The following AFDN variants were observed in gnomAD, a reference collection of about 807,000 sequenced individuals.
AFDN encodes afadin.
Under a neutral mutation model 216.6 loss-of-function variants are expected in AFDN, and 68 were observed. The observed-to-expected ratio is 0.31, with a 90% CI of 0.26 to 0.38. AFDN has a LOEUF of 0.38. Ranked by LOEUF, AFDN falls within the 10% of genes least tolerant of loss-of-function variation. AFDN has a pLI of 1.00. For synonymous variants in AFDN, 868 were observed against 853.7 expected (o/e 1.02, Z -0.29); for missense variants, 2,136 against 2,342.0 (o/e 0.91, Z 1.82).
intron 12 of AFDN, among the ~76,000 whole-genome samples, chr6:167,905,225 C>T (rs1363861916): frequency 6.6e-6 from 1 of 152,190 alleles, no homozygotes; most frequent in East Asian, 1.9e-4. Context: ...CCAATACCTG[C>T]TGTGTTTGTT....
intron 23 of AFDN, among the ~76,000 whole-genome samples, chr6:167,931,273 A>G (rs1046257708): frequency 4.6e-5 from 7 of 152,132 alleles, no homozygotes; most frequent in African/African-American, 1.7e-4. Flanking sequence ...TGGAGGTGTG[A>G]TTTACAAAGG....
intron 19 of AFDN, among the ~76,000 whole-genome samples, chr6:167,916,726 A>G (rs1791119473): frequency 6.6e-6 from 1 of 152,128 alleles, no homozygotes; most frequent in African/African-American, 2.4e-5. Flanking sequence ...TAGAGGCTAG[A>G]CAGCTGGTTA....
intron 24 of AFDN, 83 bp from the exon 25 acceptor site, chr6:167,943,319 A>G (rs925120895): frequency 3.5e-6 from 5 of 1,428,086 alleles, no homozygotes; most frequent in East Asian, 2.3e-5. Context: ...CAAATAGAGT[A>G]TCTACTCATC....
chr6:167,912,425 G>T (rs1274134113), intron 15 of AFDN, among the ~76,000 whole-genome samples: 1 of 152,120 alleles, frequency 6.6e-6, no homozygotes, highest in Non-Finnish European at 1.5e-5. Context: ...AGATCTTTTA[G>T]TTCCTTCAGA....
At position 167,893,885 on chromosome 6, in the gene AFDN, TACA is replaced by T; in HGVS notation, c.1204_1206del (p.Asn402del). 1 of 1,589,376 alleles carries T rather than the reference TACA, an allele frequency of 6.3e-7. No homozygotes were observed. Among genetic ancestry groups the T allele is most frequent in the Non-Finnish European group, 8.6e-7 (1 of 1,166,334 alleles). ...AGGGAGAAGGAATCACTTTGCCTACTACAACTATCACACTTACGAAGGTAATGC... is the reference window on the plus strand; with the variant it reads ...AGGGAGAAGGAATCACTTTGCCTACTACTATCACACTTACGAAGGTAATGC... On this transcript the variant is annotated inframe_deletion, in exon 9 of 34. Coordinates refer to ENST00000683244, the MANE Select transcript of AFDN (RefSeq NM_001386888.1).
chr6:167,950,388 T>C (rs534171438), intron 29 of AFDN, among the ~76,000 whole-genome samples: 203 of 131,336 alleles, frequency 1.5e-3, no homozygotes, highest in African/African-American at 5.7e-3. Flanking sequence ...ATACTCATTT[T>C]TCTCTGTGTC....
chr6:167,878,977 A>G (rs1785774872), intron 5 of AFDN, among the ~76,000 whole-genome samples: 3 of 152,020 alleles, frequency 2.0e-5, no homozygotes, highest in Admixed American at 6.5e-5. Context: ...CTTTCTCACA[A>G]CCTTATATTT....
At position 167,827,137 on chromosome 6, in the gene AFDN, C is replaced by A; in HGVS notation, c.5C>A (p.Ser2Ter). The A allele has an allele frequency of 7.8e-7, 1 of 1,284,368 alleles. No individual in the cohort carries two copies. The highest frequency in any genetic ancestry group is 1.0e-6 in the Non-Finnish European group (1 of 986,822). 79.6% of individuals were successfully genotyped at this position (1,284,368 alleles called of 1,614,324 possible). M[S>*]AGGRDEERRK... Reference sequence around the variant, plus strand: ...TGAGGAGGCGCGGCCAGGACCATGTCGGCGGGCGGCCGTGACGAGGAGCGG... The same window carrying A: ...TGAGGAGGCGCGGCCAGGACCATGTAGGCGGGCGGCCGTGACGAGGAGCGG... The change falls in exon 1 of 34, where the codon TCG becomes TAG. Residue 2 changes from serine (S) to a stop codon, truncating the protein, a stop_gained. Transcript: ENST00000683244. LOFTEE classifies it high-confidence loss of function.
At chr6:167,860,429 G>C (rs911401622) in intron 1 of AFDN, among the ~76,000 whole-genome samples, 3 of 152,126 alleles carry the variant, frequency 2.0e-5, no homozygotes, top group African/African-American at 7.2e-5. Flanking sequence ...GGAGGACCTA[G>C]AATAGGGAAT....
chr6:167,866,497 C>T (rs954725940), intron 2 of AFDN, among the ~76,000 whole-genome samples: 3 of 152,196 alleles, frequency 2.0e-5, no homozygotes, highest in African/African-American at 7.2e-5. Flanking sequence ...TAGATTCAGA[C>T]AGGTTTAGTA....
At chr6:167,963,531 T>C in intron 31 of AFDN, 1 of 1,056,350 alleles carries the variant, frequency 9.5e-7, no homozygotes, top group Non-Finnish European at 1.1e-6. Context: ...TGATATGCTC[T>C]ATTAGGATAC....
At chr6:167,870,586 C>G in intron 3 of AFDN, 88 bp downstream of exon 3, 3 of 701,960 alleles carry the variant, frequency 4.3e-6, no homozygotes, top group Non-Finnish European at 6.9e-6. Context: ...TACAGGAGTT[C>G]CTTCTCTTTT....
At chr6:167,922,744 TAAG>T in intron 21 of AFDN, 109 bp from the exon 22 acceptor site, 2 of 667,850 alleles carry the variant, frequency 3.0e-6, no homozygotes, top group South Asian at 1.9e-5. Context: ...AGGTGTAGAG[TAAG>T]AAGAATCAAT....
intron 1 of AFDN, among the ~76,000 whole-genome samples, chr6:167,852,576 G>T (rs1221217547): frequency 2.0e-5 from 3 of 152,108 alleles, no homozygotes; most frequent in African/African-American, 7.2e-5. Flanking sequence ...GGAGATCTTT[G>T]TCTAAATCAG....
intron 1 of AFDN, among the ~76,000 whole-genome samples, chr6:167,853,412 G>A (rs1025028596): frequency 2.6e-5 from 4 of 151,954 alleles, no homozygotes; most frequent in Non-Finnish European, 4.4e-5. Context: ...AGACTAGTCT[G>A]CTGGCAATTT....
chr6:167,923,592 C>G (rs751482043), intron 22 of AFDN, among the ~76,000 whole-genome samples: 2 of 149,432 alleles, frequency 1.3e-5, no homozygotes, highest in Non-Finnish European at 3.0e-5. Flanking sequence ...TCACATTGAA[C>G]TACTGACAAA....
At chr6:167,893,993 TG>T in intron 9 of AFDN, 87 bp downstream of exon 9, 1 of 1,004,636 alleles carries the variant, frequency 1.0e-6, no homozygotes, top group Non-Finnish European at 1.5e-6. Flanking sequence ...AAATATCTTA[TG>T]TATCAGTTTT....
rs770560322 is a variant in AFDN, at chr6:167,901,702, T to G, written c.1581-615T>G. Among the ~76,000 whole-genome samples, 76 of 152,228 alleles carry G rather than the reference T, an allele frequency of 5.0e-4. 1 individual carries two copies. In the Middle Eastern group the frequency reaches 0.017, roughly 34 times the overall value. On this transcript the variant is annotated intron_variant, in intron 11 of 33. Transcript: ENST00000683244. ...AATAGGGCCGCCGGCACTTCAACCT[T>G]GTACACCTCATTTATATGCCATTTG...
Position 167,951,470 on chromosome 6 carries a change from TCCGCCACCC to T in AFDN, c.4125_4133del (p.Pro1377_Pro1379del), listed in dbSNP as rs778111940. ...CCCAGCCAATCCGAACAGACCTGCCTCCGCCACCCCCGCCACCTCCAGTCCACTATGCCG... is the reference window on the plus strand; with the variant it reads ...CCCAGCCAATCCGAACAGACCTGCCTCCGCCACCTCCAGTCCACTATGCCG... On this transcript the variant is annotated inframe_deletion, in exon 30 of 34. Transcript: ENST00000683244. This position sits in a 1 kb window ranked among gnomAD's most constrained non-coding sequence, Gnocchi z 7.1. 98 of 1,613,884 alleles carry T rather than the reference TCCGCCACCC, an allele frequency of 6.1e-5. No individual in the cohort carries two copies. The highest frequency in any genetic ancestry group is 2.0e-4 in the East Asian group (9 of 44,870).
Sources: gnomAD v4.1 joint callset for allele counts (sites outside exome capture counted in the v4.1 genomes callset) on GRCh38, gnomAD v4.1.1 for gene constraint, Gnocchi (gnomAD v3.1) non-coding constraint, MANE v1.5 for transcripts, NCBI Gene and HGNC (gene_info 2026-07-23, HGNC 2026-07-21) for gene names.